MAP3K2: variants seen among roughly 807,000 people sequenced by gnomAD.
MAP3K2 encodes MAP/ERK kinase kinase 2.
Under a neutral mutation model 80.3 loss-of-function variants are expected in MAP3K2, and 24 were observed. The observed-to-expected ratio is 0.30, with a 90% CI of 0.22 to 0.42. The LOEUF (loss-of-function observed/expected upper bound fraction) is 0.42, where lower values mean the gene tolerates loss of function less well. Among genes scored for constraint, MAP3K2 ranks in the 10% least tolerant of loss-of-function variants. The pLI is 1.00. For missense variants in MAP3K2, 608 were observed against 750.1 expected, an observed-to-expected ratio of 0.81 and a Z score of 2.21; for synonymous variants, 244 against 253.7, an observed-to-expected ratio of 0.96 and a Z score of 0.36.
upstream of MAP3K2, chr2:127,388,186 C>A (rs1333644557): frequency 4.5e-6 from 4 of 887,838 alleles, no homozygotes; most frequent in African/African-American, 1.8e-5. Flanking sequence ...CCGGCCTCGG[C>A]CCCGCCCCCG....
At chr2:127,388,143 G>T (rs1687414084), upstream of MAP3K2, 9 of 985,008 alleles carry the variant, frequency 9.1e-6, no homozygotes, top group South Asian at 3.7e-4. Flanking sequence ...CCACCGGCCG[G>T]ACGGCGCGGG....
upstream of MAP3K2, chr2:127,388,346 T>A: frequency 1.0e-6 from 1 of 985,336 alleles, no homozygotes; most frequent in Non-Finnish European, 1.2e-6. Flanking sequence ...GGCCCAAGGG[T>A]AGCAGAGCTA....
At chr2:127,379,738 T>C (rs1206321451) in intron 1 of MAP3K2, among the ~76,000 whole-genome samples, 2 of 152,174 alleles carry the variant, frequency 1.3e-5, no homozygotes, top group African/African-American at 2.4e-5. Context: ...AATTTTCTCA[T>C]TGCCCTGATA....
At chr2:127,365,574 T>C (rs1342511320) in intron 1 of MAP3K2, among the ~76,000 whole-genome samples, 1 of 152,126 alleles carries the variant, frequency 6.6e-6, no homozygotes, top group African/African-American at 2.4e-5. Context: ...CTCTTCTTGA[T>C]TGCCAACCCT....
At chr2:127,341,199 C>G (rs1276293426) in intron 2 of MAP3K2, among the ~76,000 whole-genome samples, 2 of 151,918 alleles carry the variant, frequency 1.3e-5, no homozygotes, top group African/African-American at 4.8e-5. Context: ...CCGAGTTAGC[C>G]AGGTTGGTCT....
chr2:127,334,771 T>C (rs1686331939), intron 5 of MAP3K2, among the ~76,000 whole-genome samples: 1 of 101,962 alleles, frequency 9.8e-6, no homozygotes, highest in Non-Finnish European at 1.9e-5. Flanking sequence ...CAATACTTTA[T>C]GCATTTTTTT....
chr2:127,345,054 A>G (rs1686573264), intron 1 of MAP3K2, among the ~76,000 whole-genome samples: 1 of 152,202 alleles, frequency 6.6e-6, no homozygotes, highest in Non-Finnish European at 1.5e-5. Context: ...GATTTTGTAC[A>G]GATTACCCAG....
intron 1 of MAP3K2, among the ~76,000 whole-genome samples, chr2:127,361,455 TAA>T (rs1237929915): frequency 4.6e-5 from 7 of 152,186 alleles, no homozygotes; most frequent in Admixed American, 1.3e-4. Context: ...TAAATTTGGT[TAA>T]GTTTTAATAA....
At chr2:127,326,072 A>G (rs1686131327) in intron 8 of MAP3K2, among the ~76,000 whole-genome samples, 2 of 152,168 alleles carry the variant, frequency 1.3e-5, no homozygotes, top group Non-Finnish European at 2.9e-5. Flanking sequence ...AAATTTCCTA[A>G]GAGAAAAATA....
chr2:127,372,572 G>A (rs916633682), intron 1 of MAP3K2, among the ~76,000 whole-genome samples: 8 of 152,106 alleles, frequency 5.3e-5, no homozygotes, highest in African/African-American at 1.2e-4. Flanking sequence ...AACCTGTTGC[G>A]ATTCAGAGGT....
chr2:127,387,379 GCCC>G (rs973391767), intron 1 of MAP3K2, 70 bp downstream of exon 1: 1 of 57,182 alleles, frequency 1.7e-5, no homozygotes, highest in Non-Finnish European at 2.5e-5. Flanking sequence ...CCAGCCCGCG[GCCC>G]CCGACACACA....
chr2:127,311,206 A>G (rs72845964), intron 15 of MAP3K2, among the ~76,000 whole-genome samples: 5,170 of 152,316 alleles, frequency 0.034, 126 homozygotes, highest in Middle Eastern at 0.071. Flanking sequence ...TAAACATGCC[A>G]TGACATTAGT....
chr2:127,381,422 G>T (rs1245165739), intron 1 of MAP3K2, among the ~76,000 whole-genome samples: 1 of 152,104 alleles, frequency 6.6e-6, no homozygotes, highest in Non-Finnish European at 1.5e-5. Context: ...TATAAAATTC[G>T]TAACAAACGA....
chr2:127,380,628 C>T (rs1574010546), intron 1 of MAP3K2, among the ~76,000 whole-genome samples: 1 of 152,178 alleles, frequency 6.6e-6, no homozygotes, highest in East Asian at 1.9e-4. Flanking sequence ...AGAGTTAAGA[C>T]CTAATCTTAA....
At chr2:127,315,868 T>C (rs1025566240) in intron 14 of MAP3K2, among the ~76,000 whole-genome samples, 2 of 152,202 alleles carry the variant, frequency 1.3e-5, no homozygotes, top group South Asian at 4.1e-4. Context: ...GCAGATCACC[T>C]GAGGTCAGGA....
At chr2:127,384,757 G>A (rs760748954) in intron 1 of MAP3K2, among the ~76,000 whole-genome samples, 2 of 151,054 alleles carry the variant, frequency 1.3e-5, no homozygotes, top group Non-Finnish European at 2.9e-5. Context: ...TCCCCTCCCC[G>A]GCTCAAGCAC....
intron 1 of MAP3K2, among the ~76,000 whole-genome samples, chr2:127,366,214 C>T (rs935056838): frequency 1.3e-5 from 2 of 151,964 alleles, no homozygotes; most frequent in East Asian, 1.9e-4. Flanking sequence ...TAACAAACGT[C>T]AATACCAATT....
At chr2:127,324,118 CA>C (rs1285945155) in intron 10 of MAP3K2, 55 bp downstream of exon 10, 2 of 1,276,272 alleles carry the variant, frequency 1.6e-6, no homozygotes, top group African/African-American at 1.5e-5. Context: ...CCCTCCCAGC[CA>C]AAACATTATC....
At chr2:127,370,848 T>C (rs940965801) in intron 1 of MAP3K2, among the ~76,000 whole-genome samples, 3 of 152,136 alleles carry the variant, frequency 2.0e-5, no homozygotes, top group African/African-American at 7.2e-5. Context: ...ACTGCCTCCT[T>C]ATCCCTCAGC....
Sources: gnomAD v4.1 joint callset for allele counts (sites outside exome capture counted in the v4.1 genomes callset) on GRCh38, gnomAD v4.1.1 for gene constraint, MANE v1.5 for transcripts, NCBI Gene and HGNC (gene_info 2026-07-23, HGNC 2026-07-21) for gene names.